The following SPATA6 variants were observed in gnomAD, a reference collection of about 807,000 sequenced individuals.
SPATA6 encodes the protein spermatogenesis-associated protein 6.
A neutral mutation model predicts 65.3 loss-of-function variants in SPATA6; 56 were observed. That is an observed-to-expected ratio of 0.86 (90% CI 0.69 to 1.07). The LOEUF is 1.07. Among genes scored for constraint, SPATA6 ranks in the 50% least tolerant of loss-of-function variants. The pLI, the probability that SPATA6 is intolerant of heterozygous loss-of-function variation, is 0.00. For synonymous variants in SPATA6, 199 were observed against 213.2 expected (o/e 0.93, Z 0.58); for missense variants, 590 against 594.8 (o/e 0.99, Z 0.08).
At chr1:48,451,526 A>C in intron 3 of SPATA6, 26 bp downstream of exon 3, 1 of 1,593,210 alleles carries the variant, frequency 6.3e-7, no homozygotes, top group Non-Finnish European at 8.5e-7. Context: ...TCTTAGAATC[A>C]GGAATTAAAA....
At chr1:48,261,458 G>A in the SPATA6 span, among the ~76,000 whole-genome samples, 2 of 150,668 alleles carry the variant, frequency 1.3e-5, no homozygotes, top group African/African-American at 2.4e-5. Context: ...AACCTATTAT[G>A]GCTAATAATT....
At chr1:48,417,590 C>T (rs931094382) in intron 3 of SPATA6, among the ~76,000 whole-genome samples, 2 of 151,940 alleles carry the variant, frequency 1.3e-5, no homozygotes, top group African/African-American at 4.8e-5. Flanking sequence ...CTGAGGTGGG[C>T]AGATCACAAG....
intron 3 of SPATA6, among the ~76,000 whole-genome samples, chr1:48,440,159 C>T (rs189495349): frequency 6.6e-6 from 1 of 152,060 alleles, no homozygotes; most frequent in South Asian, 2.1e-4. Context: ...CAAGGGACCA[C>T]AAAAACCCTC....
At chr1:48,368,489 C>A (rs146317848) in intron 9 of SPATA6, among the ~76,000 whole-genome samples, 1 of 152,102 alleles carries the variant, frequency 6.6e-6, no homozygotes, top group Non-Finnish European at 1.5e-5. Context: ...AGACTTTGTT[C>A]GTTTCTTTTT....
intron 8 of SPATA6, among the ~76,000 whole-genome samples, chr1:48,393,021 T>A (rs1457485251): frequency 6.6e-6 from 1 of 152,114 alleles, no homozygotes; most frequent in African/African-American, 2.4e-5. Context: ...ATAGAATTTT[T>A]AAAAATCACT....
intron 10 of SPATA6, among the ~76,000 whole-genome samples, chr1:48,359,060 CTATT>C (rs1646736021): frequency 6.6e-6 from 1 of 152,114 alleles, no homozygotes; most frequent in South Asian, 2.1e-4. Context: ...TGAAAAGGAA[CTATT>C]TATTTCACAT....
At chr1:48,289,281 G>A in the SPATA6 span, among the ~76,000 whole-genome samples, 1 of 152,194 alleles carries the variant, frequency 6.6e-6, no homozygotes, top group Non-Finnish European at 1.5e-5. Flanking sequence ...GCAGCTGAGG[G>A]TCCTGACTGT....
chr1:48,261,633 T>G, the SPATA6 span, among the ~76,000 whole-genome samples: 1 of 152,104 alleles, frequency 6.6e-6, no homozygotes, highest in Non-Finnish European at 1.5e-5. Context: ...CAGACCATCC[T>G]GCAGAGACTT....
chr1:48,355,719 C>A lies in SPATA6; in HGVS notation c.1145G>T (p.Arg382Leu), dbSNP rs765166760. The A allele has an allele frequency of 1.9e-6, 3 of 1,612,914 alleles. No homozygotes were observed. The highest frequency in any genetic ancestry group is 2.2e-5 in the East Asian group (1 of 44,794). ...SPSNCDEIHD[R>L]VKNVLKSHQA... The stretch of plus-strand genomic sequence containing the variant: ...ATGTGATTTCAAGACATTTTTTACC[C>A]GGTCATGGATCTCATCGCAGTTTGA... The change falls in exon 11 of 13, where the codon CGG becomes CTG. Residue 382 changes from arginine to leucine, a missense_variant. Arg to Leu is a moderately radical substitution (Grantham distance 102). Transcript: ENST00000371847.
intron 8 of SPATA6, among the ~76,000 whole-genome samples, chr1:48,389,895 C>T (rs574400225): frequency 2.0e-5 from 3 of 152,122 alleles, no homozygotes; most frequent in East Asian, 1.9e-4. Context: ...AAAAGATTCA[C>T]GGTACAACCA....
chr1:48,327,806 A>G (rs1234116829), intron 11 of SPATA6, among the ~76,000 whole-genome samples: 1 of 152,134 alleles, frequency 6.6e-6, no homozygotes, highest in Non-Finnish European at 1.5e-5. Flanking sequence ...GACATTGGAG[A>G]CTCCAAAAAT....
chr1:48,319,224 C>G (rs1608692), intron 11 of SPATA6, among the ~76,000 whole-genome samples: 1 of 152,116 alleles, frequency 6.6e-6, no homozygotes, highest in African/African-American at 2.4e-5. Context: ...CTGAGATATC[C>G]TAAGCAAAAG....
chr1:48,267,631 T>G, the SPATA6 span, among the ~76,000 whole-genome samples: 1 of 151,994 alleles, frequency 6.6e-6, no homozygotes, highest in African/African-American at 2.4e-5. Flanking sequence ...CGTCTGTTCC[T>G]CCTCATCAGT....
At chr1:48,305,931 G>C (rs1645051629) in intron 11 of SPATA6, 53 bp from the exon 12 acceptor site, 1 of 1,347,094 alleles carries the variant, frequency 7.4e-7, no homozygotes, top group African/African-American at 1.5e-5. Context: ...TCCCCAAAAT[G>C]ATGCATATGT....
At chr1:48,364,659 T>A in intron 9 of SPATA6, among the ~76,000 whole-genome samples, 1 of 152,246 alleles carries the variant, frequency 6.6e-6, no homozygotes, top group Non-Finnish European at 1.5e-5. Context: ...GTTTTTTTCT[T>A]GTAAATTTGT....
rs188489600 is a variant in SPATA6 at position 48,312,316 on chromosome 1, C to A, written c.1195-6438G>T. 7.1e-3 allele frequency among the ~76,000 whole-genome samples: 1,086 copies of A among 152,316 alleles called. 14 individuals are homozygous for A. Among genetic ancestry groups the A allele is most frequent in the African/African-American group, 0.025 (1,040 of 41,572 alleles). ...AGCAGCCTAACTGGGAGGCACCCCCCAGTAGGGGCAGACTGACTACTCTGA... is the reference window on the plus strand; with the variant it reads ...AGCAGCCTAACTGGGAGGCACCCCCAAGTAGGGGCAGACTGACTACTCTGA... On this transcript the variant is annotated intron_variant, in intron 11 of 12. Transcript: ENST00000371847.
At chr1:48,450,908 T>A (rs1374129864) in intron 3 of SPATA6, among the ~76,000 whole-genome samples, 1 of 152,224 alleles carries the variant, frequency 6.6e-6, no homozygotes, top group Non-Finnish European at 1.5e-5. Context: ...ATCAATCTGT[T>A]GATCCCAGAG....
At chr1:48,288,695 T>A in the SPATA6 span, among the ~76,000 whole-genome samples, 36 of 152,296 alleles carry the variant, frequency 2.4e-4, no homozygotes, top group African/African-American at 8.7e-4. Context: ...ACCAGGATAT[T>A]ACATCCCGTG....
rs1055022225 is a variant in SPATA6 at position 48,314,542 on chromosome 1, C to A, written c.1195-8664G>T. The stretch of plus-strand genomic sequence containing the variant: ...GAATCTCTGGGACACATTTAAAGCA[C>A]TGTGTAGCGGGAAATTTATAGCACT... On this transcript the variant is annotated intron_variant, in intron 11 of 12. Coordinates refer to ENST00000371847, the MANE Select transcript of SPATA6 (RefSeq NM_019073.4). Among the ~76,000 whole-genome samples the A allele has an allele frequency of 3.0e-4, 45 of 152,080 alleles. 1 individual carries two copies. Among genetic ancestry groups the A allele is most frequent in the Admixed American group, 2.6e-4 (4 of 15,270 alleles).
Sources: gnomAD v4.1 joint callset for allele counts (sites outside exome capture counted in the v4.1 genomes callset) on GRCh38, gnomAD v4.1.1 for gene constraint, MANE v1.5 for transcripts, NCBI Gene and HGNC (gene_info 2026-07-23, HGNC 2026-07-21) for gene names.